Variants in COL28A1 observed in about 807,000 individuals in gnomAD.
The protein encoded by COL28A1 is collagen alpha-1(XXVIII) chain.
In COL28A1, 161 loss-of-function variants were observed where a neutral mutation model predicts 150.2. The ratio of observed to expected loss-of-function variants is 1.07; its 90% CI spans 0.94 to 1.22. The LOEUF is 1.22. Among genes scored for constraint, COL28A1 ranks in the 50% most tolerant of loss-of-function variants. The pLI is 0.00. For missense variants in COL28A1, 1,617 were observed against 1,388.3 expected (o/e 1.16, Z -2.62); for synonymous variants, 552 against 469.7 (o/e 1.18, Z -2.26).
At chr7:7,473,501 T>A (rs1237518433) in intron 15 of COL28A1, among the ~76,000 whole-genome samples, 4 of 152,212 alleles carry the variant, frequency 2.6e-5, no homozygotes, top group Non-Finnish European at 5.9e-5. Flanking sequence ...ACCTTACTCC[T>A]GCAAGAATGG....
the COL28A1 span, among the ~76,000 whole-genome samples, chr7:7,350,231 C>T: frequency 6.6e-6 from 1 of 152,064 alleles, no homozygotes; most frequent in Non-Finnish European, 1.5e-5. Flanking sequence ...ACCAGACCCA[C>T]TGAGCAATTG....
chr7:7,538,594 G>A (rs1782724262), upstream of COL28A1, among the ~76,000 whole-genome samples: 1 of 152,062 alleles, frequency 6.6e-6, no homozygotes, highest in South Asian at 2.1e-4. Flanking sequence ...TCTGCATTGT[G>A]TTTATTGATT....
chr7:7,450,920 G>A (rs1786642229), intron 18 of COL28A1, among the ~76,000 whole-genome samples: 1 of 152,118 alleles, frequency 6.6e-6, no homozygotes, highest in African/African-American at 2.4e-5. Flanking sequence ...ATTGCAGAAT[G>A]ATATATCATG....
chr7:7,539,243 C>A (rs1782745233), upstream of COL28A1, among the ~76,000 whole-genome samples: 1 of 152,170 alleles, frequency 6.6e-6, no homozygotes, highest in Non-Finnish European at 1.5e-5. Flanking sequence ...AAGCATGACA[C>A]CAGCATCTGC....
intron 27 of COL28A1, among the ~76,000 whole-genome samples, chr7:7,410,869 T>C (rs1783751883): frequency 6.6e-6 from 1 of 152,162 alleles, no homozygotes; most frequent in Non-Finnish European, 1.5e-5. Context: ...TTCAAACCCA[T>C]CTCTGACTTT....
chr7:7,380,611 A>G (rs776464762), intron 30 of COL28A1, 49 bp downstream of exon 30: 27 of 1,538,194 alleles, frequency 1.8e-5, no homozygotes, highest in South Asian at 6.9e-5. Context: ...TGAATGCAAC[A>G]ATTTTGCAAG....
At chr7:7,490,733 T>C (rs568354371) in intron 11 of COL28A1, 87 bp from the exon 12 acceptor site, 2 of 652,124 alleles carry the variant, frequency 3.1e-6, no homozygotes, top group Admixed American at 2.6e-5. Flanking sequence ...GGTTTTGCAA[T>C]AGGGGCTTTC....
At chr7:7,525,006 T>C (rs1781942537) in intron 3 of COL28A1, among the ~76,000 whole-genome samples, 1 of 152,220 alleles carries the variant, frequency 6.6e-6, no homozygotes, top group African/African-American at 2.4e-5. Flanking sequence ...TATGCATTAC[T>C]TATGTAAAAG....
intron 15 of COL28A1, among the ~76,000 whole-genome samples, chr7:7,457,396 T>G (rs1422385041): frequency 6.6e-6 from 1 of 152,156 alleles, no homozygotes; most frequent in Non-Finnish European, 1.5e-5. Flanking sequence ...AAAGGACTCT[T>G]GGCAGAATAG....
At chr7:7,472,963 T>C (rs1583454185) in intron 15 of COL28A1, among the ~76,000 whole-genome samples, 3 of 152,162 alleles carry the variant, frequency 2.0e-5, no homozygotes, top group East Asian at 3.9e-4. Context: ...GCTGGAATAA[T>C]TGGCAAGCCA....
At chr7:7,454,550 T>C (rs1325687582) in intron 16 of COL28A1, among the ~76,000 whole-genome samples, 7 of 152,006 alleles carry the variant, frequency 4.6e-5, no homozygotes, top group Admixed American at 4.6e-4. Context: ...GTCCGAGACT[T>C]TTGTTTTGTT....
rs551089128 is a variant in COL28A1, at chr7:7,439,406, C to T, written c.1722+1384G>A. ...TTTGACAAAGGAACAGAACATGAACCTGTTAAAATTCTTCACTAAAACCAA... is the reference window on the plus strand; with the variant it reads ...TTTGACAAAGGAACAGAACATGAACTTGTTAAAATTCTTCACTAAAACCAA... On this transcript the variant is annotated intron_variant, in intron 21 of 34. Coordinates refer to ENST00000399429, the MANE Select transcript of COL28A1 (RefSeq NM_001037763.3). Among the ~76,000 whole-genome samples the T allele has an allele frequency of 1.7e-4, 26 of 152,274 alleles. No individual in the cohort carries two copies. The South Asian group carries it at 5.4e-3, about 32-fold the overall frequency.
intron 15 of COL28A1, among the ~76,000 whole-genome samples, chr7:7,459,684 T>C (rs1787451955): frequency 6.6e-6 from 1 of 152,200 alleles, no homozygotes; most frequent in Non-Finnish European, 1.5e-5. Context: ...TCTAATCTGG[T>C]ATAATCTGCA....
chr7:7,428,592 G>C (rs1021436554), intron 25 of COL28A1, among the ~76,000 whole-genome samples: 4 of 151,546 alleles, frequency 2.6e-5, no homozygotes, highest in African/African-American at 4.8e-5. Flanking sequence ...ACCACAAGAA[G>C]TGCCCTTAAT....
intron 25 of COL28A1, among the ~76,000 whole-genome samples, chr7:7,429,426 T>TCTCTCTCTCTCA (rs1554270137): frequency 1.5e-4 from 18 of 119,308 alleles, no homozygotes; most frequent in African/African-American, 5.6e-4. Context: ...TCTCTCTCTC[T>TCTCTCTCTCTCA]CACATACACA....
intron 19 of COL28A1, 152 bp downstream of exon 19, chr7:7,444,266 G>A (rs974354898): frequency 2.3e-5 from 23 of 995,344 alleles, no homozygotes; most frequent in East Asian, 7.8e-5. Context: ...TTCTCTCAGG[G>A]AGAAGTGGAA....
chr7:7,508,435 G>C (rs965016157), intron 9 of COL28A1, among the ~76,000 whole-genome samples: 1 of 152,132 alleles, frequency 6.6e-6, no homozygotes, highest in African/African-American at 2.4e-5. Flanking sequence ...GATGATGGAA[G>C]CAGAGACCAT....
At chr7:7,368,855 C>T (rs1181536489) in intron 33 of COL28A1, among the ~76,000 whole-genome samples, 1 of 152,198 alleles carries the variant, frequency 6.6e-6, no homozygotes, top group Non-Finnish European at 1.5e-5. Context: ...TTTCCCATTA[C>T]TCTTCCCTGA....
At chr7:7,455,527 T>G (rs1787080496) in intron 16 of COL28A1, among the ~76,000 whole-genome samples, 1 of 152,194 alleles carries the variant, frequency 6.6e-6, no homozygotes, top group Non-Finnish European at 1.5e-5. Context: ...TATCTGTGTT[T>G]TGCTTCTATT....
Sources: gnomAD v4.1 joint callset for allele counts (sites outside exome capture counted in the v4.1 genomes callset) on GRCh38, gnomAD v4.1.1 for gene constraint, MANE v1.5 for transcripts, NCBI Gene and HGNC (gene_info 2026-07-23, HGNC 2026-07-21) for gene names.